Variants in PDE4D observed in about 807,000 individuals in gnomAD.
PDE4D encodes phosphodiesterase 4D, also known as 3',5'-cyclic-AMP phosphodiesterase 4D.
PDE4D carries 24 observed loss-of-function variants against 87.4 expected under a neutral mutation model. The observed-to-expected ratio is 0.27, with a 90% CI of 0.20 to 0.39. PDE4D has a LOEUF of 0.39. Among genes scored for constraint, PDE4D ranks in the 10% least tolerant of loss-of-function variants. PDE4D has a pLI of 1.00. For synonymous variants in PDE4D, 384 were observed against 383.2 expected, an observed-to-expected ratio of 1.00 and a Z score of -0.02; for missense variants, 714 against 1,041.0, an observed-to-expected ratio of 0.69 and a Z score of 4.32.
At chr5:59,152,223 C>T (rs1016371981) in intron 5 of PDE4D, among the ~76,000 whole-genome samples, 1 of 152,004 alleles carries the variant, frequency 6.6e-6, no homozygotes, top group Admixed American at 6.6e-5. Flanking sequence ...CCAGTCTTAG[C>T]ACAGTGTTTG....
intron 6 of PDE4D, among the ~76,000 whole-genome samples, chr5:59,007,883 G>C (rs887861439): frequency 6.6e-6 from 1 of 151,964 alleles, no homozygotes; most frequent in African/African-American, 2.4e-5. Flanking sequence ...CCTGCAACAT[G>C]TATGGAGAAA....
intron 5 of PDE4D, among the ~76,000 whole-genome samples, chr5:59,118,060 A>G (rs1252663907): frequency 6.6e-6 from 1 of 152,180 alleles, no homozygotes; most frequent in Non-Finnish European, 1.5e-5. Flanking sequence ...GCTCCATAAT[A>G]GCTAGCTATT....
intron 1 of PDE4D, chr5:60,521,292 G>A (rs1242793573): frequency 6.6e-6 from 1 of 152,110 alleles, no homozygotes; most frequent in Non-Finnish European, 1.5e-5. Flanking sequence ...ACACAAAAAA[G>A]GACCCAAAGT....
At chr5:60,135,050 T>C (rs1001594864) in intron 2 of PDE4D, among the ~76,000 whole-genome samples, 3 of 152,216 alleles carry the variant, frequency 2.0e-5, no homozygotes, top group Non-Finnish European at 4.4e-5. Context: ...TGGAATGCTC[T>C]AAATGTTTGT....
intron 3 of PDE4D, among the ~76,000 whole-genome samples, chr5:59,966,285 A>T (rs1760040022): frequency 1.3e-5 from 2 of 152,208 alleles, no homozygotes; most frequent in Admixed American, 1.3e-4. Flanking sequence ...CTCCAAGGAA[A>T]GTATATTAGA....
chr5:60,268,341 A>G (rs1292245556), intron 1 of PDE4D, among the ~76,000 whole-genome samples: 1 of 152,174 alleles, frequency 6.6e-6, no homozygotes, highest in Admixed American at 6.5e-5. Context: ...CCCACCACTG[A>G]CTTAGAAGCC....
At chr5:59,475,352 G>T (rs1803140787) in intron 1 of PDE4D, among the ~76,000 whole-genome samples, 1 of 152,010 alleles carries the variant, frequency 6.6e-6, no homozygotes, top group Admixed American at 6.6e-5. Context: ...ATAAGGCTAA[G>T]AACCATGGTT....
At chr5:59,120,474 A>C (rs181374936) in intron 5 of PDE4D, among the ~76,000 whole-genome samples, 130 of 152,292 alleles carry the variant, frequency 8.5e-4, no homozygotes, top group African/African-American at 2.9e-3. Flanking sequence ...GACACAATGT[A>C]AGCTCTCAAG....
intron 1 of PDE4D, among the ~76,000 whole-genome samples, chr5:59,400,804 A>G (rs1301956767): frequency 6.6e-6 from 1 of 152,190 alleles, no homozygotes; most frequent in Non-Finnish European, 1.5e-5. Context: ...TGCATTTTAG[A>G]TATGAGAGAA....
At chr5:59,810,338 G>A (rs910078754) in intron 1 of PDE4D, among the ~76,000 whole-genome samples, 1 of 152,198 alleles carries the variant, frequency 6.6e-6, no homozygotes, top group Non-Finnish European at 1.5e-5. Flanking sequence ...CCTAAAGTGG[G>A]ATATGGAACA....
At chr5:60,468,820 G>C (rs1285496377) in intron 1 of PDE4D, among the ~76,000 whole-genome samples, 1 of 151,942 alleles carries the variant, frequency 6.6e-6, no homozygotes, top group Admixed American at 6.6e-5. Context: ...GCCACCCACT[G>C]TGCCCAGCCT....
chr5:60,328,264 AT>A (rs1756986078), intron 1 of PDE4D, among the ~76,000 whole-genome samples: 1 of 152,078 alleles, frequency 6.6e-6, no homozygotes, highest in African/African-American at 2.4e-5. Context: ...GGGAAAGGAG[AT>A]TTTATGAAGT....
At chr5:59,806,990 G>A (rs1311112315) in intron 1 of PDE4D, among the ~76,000 whole-genome samples, 1 of 152,170 alleles carries the variant, frequency 6.6e-6, no homozygotes, top group Non-Finnish European at 1.5e-5. Context: ...TTATGGAAGT[G>A]GAAGGGACAT....
chr5:60,181,048 C>T (rs891583913), intron 2 of PDE4D, among the ~76,000 whole-genome samples: 1 of 152,000 alleles, frequency 6.6e-6, no homozygotes, highest in African/African-American at 2.4e-5. Context: ...CTCTATCTTA[C>T]AGGGTAATTG....
chr5:59,712,393 C>CATATATATATAT (rs5868190), intron 1 of PDE4D, among the ~76,000 whole-genome samples: 68 of 122,572 alleles, frequency 5.5e-4, no homozygotes, highest in African/African-American at 9.3e-4. Flanking sequence ...TAATATTATT[C>CATATATATATAT]ATATATATAT....
At chr5:59,840,727 T>C (rs1190497150) in intron 1 of PDE4D, among the ~76,000 whole-genome samples, 1 of 152,018 alleles carries the variant, frequency 6.6e-6, no homozygotes, top group African/African-American at 2.4e-5. Flanking sequence ...GTTCAGCCCT[T>C]GTTAGGGAGA....
At chr5:60,016,025 C>CTG (rs70975359) in intron 2 of PDE4D, among the ~76,000 whole-genome samples, 24,505 of 146,674 alleles carry the variant, frequency 0.17, 1,954 homozygotes, top group Middle Eastern at 0.24. Flanking sequence ...CTCTCTCTCT[C>CTG]TGTGTGTGTG....
intron 1 of PDE4D, among the ~76,000 whole-genome samples, chr5:59,463,150 T>C (rs2153647065): frequency 6.6e-6 from 1 of 152,316 alleles, no homozygotes; most frequent in South Asian, 2.1e-4. Context: ...AATATATGTG[T>C]TACATAAATT....
At chr5:60,135,675 G>A (rs1238662677) in intron 2 of PDE4D, among the ~76,000 whole-genome samples, 4 of 152,128 alleles carry the variant, frequency 2.6e-5, no homozygotes, top group African/African-American at 2.4e-5. Context: ...TCAAAATAGA[G>A]AGAAGTGATG....
Sources: allele counts gnomAD v4.1 joint callset (sites outside exome capture counted in the v4.1 genomes callset), GRCh38; gene constraint gnomAD v4.1.1; transcripts MANE v1.5; gene names NCBI Gene and HGNC (gene_info 2026-07-23, HGNC 2026-07-21).